The following ZCWPW2 variants were observed in gnomAD, a reference collection of about 807,000 sequenced individuals.
The protein encoded by ZCWPW2 is zinc finger CW-type PWWP domain protein 2.
In ZCWPW2, 45 loss-of-function variants were observed where a neutral mutation model predicts 46.6. The ratio of observed to expected loss-of-function variants is 0.96; its 90% CI spans 0.76 to 1.24. The LOEUF is 1.24. Ranked by LOEUF, ZCWPW2 falls within the 50% of genes most tolerant of loss-of-function variation. The pLI is 0.00. For missense variants in ZCWPW2, 429 were observed against 403.9 expected (o/e 1.06, Z -0.53); for synonymous variants, 152 against 137.1 (o/e 1.11, Z -0.76).
intron 4 of ZCWPW2, among the ~76,000 whole-genome samples, chr3:28,437,814 A>T (rs544481158): frequency 6.6e-6 from 1 of 152,364 alleles, no homozygotes; most frequent in East Asian, 1.9e-4. Flanking sequence ...AAGCCTTGTT[A>T]TTCTTGAAAG....
At chr3:28,517,832 A>G (rs1027641600) in intron 8 of ZCWPW2, among the ~76,000 whole-genome samples, 2 of 152,164 alleles carry the variant, frequency 1.3e-5, no homozygotes, top group Non-Finnish European at 2.9e-5. Flanking sequence ...TCTACACATT[A>G]ATTTTTAAAA....
rs1700829895 is a variant in ZCWPW2 at position 28,525,650 on chromosome 3, C to G, written c.*962C>G. Among the ~76,000 whole-genome samples the G allele has an allele frequency of 6.6e-6, 1 of 152,226 alleles. No individual in the cohort carries two copies. The highest frequency in any genetic ancestry group is 2.1e-4 in the South Asian group (1 of 4,818). On this transcript the variant is annotated 3_prime_UTR_variant, in exon 10 of 10. Coordinates refer to ENST00000383768, the MANE Select transcript of ZCWPW2 (RefSeq NM_001040432.4). ...TCATATTGCTTTAACAAGGAGGCAG[C>G]ACATGTCTAGATATTAAAAACAAAT...
At chr3:28,429,081 T>C (rs1433065403) in intron 3 of ZCWPW2, among the ~76,000 whole-genome samples, 4 of 151,980 alleles carry the variant, frequency 2.6e-5, no homozygotes, top group African/African-American at 9.7e-5. Flanking sequence ...CAGGCTGAGA[T>C]TGGAATAGTT....
At chr3:28,437,235 T>C (rs537313503) in intron 4 of ZCWPW2, among the ~76,000 whole-genome samples, 21 of 152,216 alleles carry the variant, frequency 1.4e-4, no homozygotes, top group Non-Finnish European at 1.6e-4. Flanking sequence ...AGATGAAGAA[T>C]GATAGTCATG....
chr3:28,374,783 G>A (rs537283700), intron 1 of ZCWPW2, among the ~76,000 whole-genome samples: 3 of 152,074 alleles, frequency 2.0e-5, no homozygotes, highest in South Asian at 4.1e-4. Flanking sequence ...ATTGTTCACC[G>A]TTGGCATATA....
chr3:28,408,041 A>T (rs1416251206), intron 2 of ZCWPW2, among the ~76,000 whole-genome samples: 1 of 152,202 alleles, frequency 6.6e-6, no homozygotes, highest in Admixed American at 6.5e-5. Flanking sequence ...TATATTCTAA[A>T]TTCTGGTAGC....
chr3:28,361,211 A>G (rs544712790), intron 1 of ZCWPW2, among the ~76,000 whole-genome samples: 1 of 152,344 alleles, frequency 6.6e-6, no homozygotes, highest in African/African-American at 2.4e-5. Context: ...TGGAGAGCCC[A>G]GAAATAAGCC....
At chr3:28,517,917 C>T (rs1343758295) in intron 8 of ZCWPW2, among the ~76,000 whole-genome samples, 2 of 152,064 alleles carry the variant, frequency 1.3e-5, no homozygotes, top group African/African-American at 4.8e-5. Flanking sequence ...AGGTGGATCA[C>T]CTGATGTCAG....
In ZCWPW2 at chr3:28,430,934, A is replaced by G. The variant is rs556281300; in HGVS notation, c.333-4176A>G. Among the ~76,000 whole-genome samples the G allele has an allele frequency of 2.6e-5, 4 of 152,278 alleles. 1 individual carries two copies. Among genetic ancestry groups the G allele is most frequent in the African/African-American group, 9.6e-5 (4 of 41,558 alleles). On this transcript the variant is annotated intron_variant, in intron 3 of 9. Transcript: ENST00000383768. Reference sequence around the variant, plus strand: ...TGAGTTAATTAAATTTCTTTCCTTTATAAATTACCCAGTCACAGGCAGTTC... The same window carrying G: ...TGAGTTAATTAAATTTCTTTCCTTTGTAAATTACCCAGTCACAGGCAGTTC...
intron 2 of ZCWPW2, among the ~76,000 whole-genome samples, chr3:28,410,350 A>G (rs1484516887): frequency 6.6e-6 from 1 of 152,056 alleles, no homozygotes; most frequent in African/African-American, 2.4e-5. Context: ...AATTTTATTT[A>G]TAATTGTTGA....
intron 5 of ZCWPW2, among the ~76,000 whole-genome samples, chr3:28,480,928 C>G (rs1575186129): frequency 6.8e-6 from 1 of 146,276 alleles, no homozygotes; most frequent in Non-Finnish European, 1.5e-5. Context: ...TGCAATGGCG[C>G]GATCTCAGCT....
intron 1 of ZCWPW2, among the ~76,000 whole-genome samples, chr3:28,367,087 A>G (rs998293907): frequency 6.6e-6 from 1 of 152,004 alleles, no homozygotes; most frequent in East Asian, 1.9e-4. Flanking sequence ...GATCTTTTTA[A>G]AAGACCAGCT....
At chr3:28,362,910 A>G (rs1704995490) in intron 1 of ZCWPW2, among the ~76,000 whole-genome samples, 1 of 152,172 alleles carries the variant, frequency 6.6e-6, no homozygotes, top group Non-Finnish European at 1.5e-5. Context: ...CATCCTTTGC[A>G]GGAACATGGA....
chr3:28,388,987 A>G (rs963300669), intron 1 of ZCWPW2, among the ~76,000 whole-genome samples: 6 of 152,330 alleles, frequency 3.9e-5, no homozygotes, highest in Admixed American at 3.9e-4. Flanking sequence ...AGTCAGGATC[A>G]ATCAACTGAT....
intron 2 of ZCWPW2, among the ~76,000 whole-genome samples, chr3:28,404,630 C>T (rs911151585): frequency 1.3e-5 from 2 of 152,036 alleles, no homozygotes; most frequent in Admixed American, 1.3e-4. Context: ...AACTCAAATG[C>T]CCATCAATCA....
In ZCWPW2 at chr3:28,429,196, G is replaced by A. The variant is rs192748972; in HGVS notation, c.333-5914G>A. Among the ~76,000 whole-genome samples, 71 of 152,304 alleles carry A rather than the reference G, an allele frequency of 4.7e-4. 1 individual carries two copies. The highest frequency in any genetic ancestry group is 9.3e-4 in the Non-Finnish European group (63 of 68,028). On this transcript the variant is annotated intron_variant, in intron 3 of 9. Coordinates refer to ENST00000383768, the MANE Select transcript of ZCWPW2 (RefSeq NM_001040432.4). The stretch of plus-strand genomic sequence containing the variant: ...TGCTGATAGTGATATGGACGATGAA[G>A]TCCAGGCTGAGGTGGTCTCAGATGA...
chr3:28,400,313 A>C (rs769868926), intron 2 of ZCWPW2, among the ~76,000 whole-genome samples: 1 of 152,160 alleles, frequency 6.6e-6, no homozygotes, highest in Non-Finnish European at 1.5e-5. Context: ...AAACCTAAGA[A>C]TAATTGGTGT....
intron 2 of ZCWPW2, among the ~76,000 whole-genome samples, chr3:28,398,857 A>G (rs867888262): frequency 1.3e-5 from 2 of 152,328 alleles, no homozygotes; most frequent in African/African-American, 2.4e-5. Context: ...GGTGGCCAGA[A>G]GCACTGAGAA....
At chr3:28,380,944 A>ATATATATTTGG (rs1553630602) in intron 1 of ZCWPW2, among the ~76,000 whole-genome samples, 1 of 32,002 alleles carries the variant, frequency 3.1e-5, no homozygotes, top group African/African-American at 1.6e-4. Context: ...GTATATATAT[A>ATATATATTTGG]TATATATATA....
Sources: gnomAD v4.1 joint callset for allele counts (sites outside exome capture counted in the v4.1 genomes callset) on GRCh38, gnomAD v4.1.1 for gene constraint, MANE v1.5 for transcripts, NCBI Gene and HGNC (gene_info 2026-07-23, HGNC 2026-07-21) for gene names.